HECTD2: variants seen among roughly 807,000 people sequenced by gnomAD.
HECTD2 encodes the protein HECT domain E3 ubiquitin protein ligase 2, also known as probable E3 ubiquitin-protein ligase HECTD2.
A neutral mutation model predicts 103.2 loss-of-function variants in HECTD2; 35 were observed. The ratio of observed to expected loss-of-function variants is 0.34; its 90% CI spans 0.26 to 0.45. The LOEUF (loss-of-function observed/expected upper bound fraction) is 0.45, where lower values mean the gene tolerates loss of function less well. HECTD2 is among the 20% of genes least tolerant of loss of function. The pLI is 1.00. For missense variants in HECTD2, 596 were observed against 937.4 expected, an observed-to-expected ratio of 0.64 and a Z score of 4.76; for synonymous variants, 281 against 329.9, an observed-to-expected ratio of 0.85 and a Z score of 1.61.
intron 14 of HECTD2, 79 bp downstream of exon 14, chr10:91,493,587 T>G: frequency 1.4e-6 from 1 of 731,988 alleles, no homozygotes; most frequent in Non-Finnish European, 2.2e-6. Flanking sequence ...TAGAAAACTG[T>G]TTTCTTTAGC....
At chr10:91,496,179 A>AT (rs746207635) in intron 14 of HECTD2, 35 bp from the exon 15 acceptor site, 4 of 1,515,080 alleles carry the variant, frequency 2.6e-6, no homozygotes, top group Non-Finnish European at 3.6e-6. Flanking sequence ...GTTGTCATGG[A>AT]TTTTATGTTA....
chr10:91,492,835 A>C (rs1846530263), intron 13 of HECTD2, among the ~76,000 whole-genome samples: 1 of 152,126 alleles, frequency 6.6e-6, no homozygotes. Flanking sequence ...CTCTATAGTA[A>C]CATTTAAAGC....
chr10:91,416,091 A>C (rs1357125349), intron 1 of HECTD2, among the ~76,000 whole-genome samples: 1 of 152,012 alleles, frequency 6.6e-6, no homozygotes, highest in Non-Finnish European at 1.5e-5. Flanking sequence ...TTTCCCCTTC[A>C]TGAATAACCC....
chr10:91,413,350 G>A (rs1443376555), intron 1 of HECTD2, among the ~76,000 whole-genome samples: 1 of 152,110 alleles, frequency 6.6e-6, no homozygotes, highest in Non-Finnish European at 1.5e-5. Context: ...CAGCTAGTGA[G>A]GAGGTGCCTA....
intron 5 of HECTD2, among the ~76,000 whole-genome samples, chr10:91,475,997 A>G (rs953155149): frequency 2.6e-5 from 4 of 152,222 alleles, no homozygotes; most frequent in African/African-American, 9.7e-5. Context: ...GCTGAGCCCA[A>G]TAAGAAGGCA....
chr10:91,449,484 G>C (rs753124341), intron 2 of HECTD2, among the ~76,000 whole-genome samples: 2 of 152,028 alleles, frequency 1.3e-5, no homozygotes, highest in Non-Finnish European at 2.9e-5. Flanking sequence ...AGAACTGACA[G>C]AAGACAAGGA....
In HECTD2 at chr10:91,493,420, G is replaced by T; in HGVS notation, c.1433G>T (p.Gly478Val). 2.0e-6 allele frequency: 3 copies of T among 1,481,048 alleles called. No individual in the cohort carries two copies. The highest frequency in any genetic ancestry group is 2.7e-6 in the Non-Finnish European group (3 of 1,110,042). 91.7% of individuals were successfully genotyped at this position (1,481,048 alleles called of 1,614,324 possible). Residue 478 changes from glycine to valine, a missense_variant and splice_region_variant, in exon 14 of 21, where the codon GGC (glycine) becomes GTC (valine). Gly to Val is a moderately radical substitution (Grantham distance 109, BLOSUM62 -3). Transcript: ENST00000298068. ...TAACATTATTCGTGTGTTTTTTTAG[G>T]CATGTTTACATATCACAAGGATTCA... ...LIRQIFHPDYGMFTYHKDSHC... is the reference protein window; with the variant it reads ...LIRQIFHPDYVMFTYHKDSHC...
intron 11 of HECTD2, among the ~76,000 whole-genome samples, chr10:91,490,890 C>CAAAAAA (rs61035151): frequency 6.6e-4 from 9 of 13,600 alleles, no homozygotes; most frequent in African/African-American, 9.0e-4. Flanking sequence ...GACTCCGTCT[C>CAAAAAA]AAAAAAAAAA....
At chr10:91,503,049 C>A (rs914828989) in intron 20 of HECTD2, among the ~76,000 whole-genome samples, 1 of 152,106 alleles carries the variant, frequency 6.6e-6, no homozygotes, top group African/African-American at 2.4e-5. Context: ...AATATTCATT[C>A]ACTAGATTTT....
intron 2 of HECTD2, among the ~76,000 whole-genome samples, chr10:91,454,042 C>T (rs932130390): frequency 7.9e-5 from 12 of 151,376 alleles, no homozygotes; most frequent in Non-Finnish European, 1.3e-4. Context: ...AGGAGAAAAA[C>T]TGGTAGACCT....
Position 91,410,514 on chromosome 10 carries a change from G to GGGAA in HECTD2, c.80_83dup (p.Ser29GlyfsTer40). 1 of 1,482,206 alleles carries GGGAA rather than the reference G, an allele frequency of 6.7e-7. No individual in the cohort carries two copies. The highest frequency in any genetic ancestry group is 8.9e-7 in the Non-Finnish European group (1 of 1,121,424). 91.8% of individuals were successfully genotyped at this position (1,482,206 alleles called of 1,614,324 possible). A position where few individuals can be genotyped will look rare whatever the true frequency, so the allele number is the denominator to read the frequency against. ...GGCGCCCGCGCCTGAGGAGAGGAAA[G>GGGAA]GGAAGGAGTCAGAGCGCGAGAAGCT... On this transcript the variant is annotated frameshift_variant, in exon 1 of 21. Coordinates refer to ENST00000298068, the MANE Select transcript of HECTD2 (RefSeq NM_182765.6). LOFTEE classifies it high-confidence loss of function.
intron 2 of HECTD2, among the ~76,000 whole-genome samples, chr10:91,456,679 T>G (rs988637419): frequency 1.3e-4 from 20 of 152,056 alleles, no homozygotes; most frequent in Non-Finnish European, 2.6e-4. Context: ...ATGCTTCCAG[T>G]TTTTGCCCAT....
At chr10:91,478,180 A>G in intron 5 of HECTD2, 21 bp from the exon 6 acceptor site, 1 of 1,546,226 alleles carries the variant, frequency 6.5e-7, no homozygotes, top group Non-Finnish European at 8.9e-7. Context: ...TAATTACCTT[A>G]CTGTTTTCTT....
intron 2 of HECTD2, among the ~76,000 whole-genome samples, chr10:91,440,110 A>C (rs1201685720): frequency 6.6e-6 from 1 of 152,126 alleles, no homozygotes; most frequent in Non-Finnish European, 1.5e-5. Flanking sequence ...AATTTCCAAT[A>C]ATATGTTGAA....
At chr10:91,415,192 A>AAG (rs1843071713) in intron 1 of HECTD2, among the ~76,000 whole-genome samples, 1 of 104,094 alleles carries the variant, frequency 9.6e-6, no homozygotes. Context: ...AAATTAGAGA[A>AAG]AGTGTGTGTG....
chr10:91,458,741 A>T (rs969844667), intron 2 of HECTD2, among the ~76,000 whole-genome samples: 2 of 152,062 alleles, frequency 1.3e-5, no homozygotes, highest in African/African-American at 4.8e-5. Context: ...AAATAAAGTT[A>T]AAATGGATAA....
rs1383567036 is a variant in HECTD2 at position 91,509,066 on chromosome 10, T to C, written c.2211-3198T>C. Among the ~76,000 whole-genome samples, 15 of 141,730 alleles carry C rather than the reference T, an allele frequency of 1.1e-4. No homozygotes were observed. The East Asian group carries it at 3.1e-3, about 30-fold the overall frequency. The allele number at this position is 141,730 out of a possible 152,430, so 93.0% of individuals were successfully genotyped here. A position where few individuals can be genotyped will look rare whatever the true frequency, so the allele number is the denominator to read the frequency against. On this transcript the variant is annotated intron_variant, in intron 20 of 20. Transcript: ENST00000298068. Reference sequence around the variant, plus strand: ...GCATATTCTCACTCATAGGTGGGAATTGAACAGTGAGATCACATGGACACA... The same window carrying C: ...GCATATTCTCACTCATAGGTGGGAACTGAACAGTGAGATCACATGGACACA...
At chr10:91,474,932 C>T (rs1448706784) in intron 5 of HECTD2, among the ~76,000 whole-genome samples, 1 of 152,058 alleles carries the variant, frequency 6.6e-6, no homozygotes, top group Non-Finnish European at 1.5e-5. Context: ...GTGAGAGCAG[C>T]GCACTAACAG....
intron 2 of HECTD2, among the ~76,000 whole-genome samples, chr10:91,440,381 A>C (rs1844359625): frequency 6.6e-6 from 1 of 152,128 alleles, no homozygotes; most frequent in Non-Finnish European, 1.5e-5. Flanking sequence ...GGTTACATTT[A>C]TTGACTTGTG....
Sources: allele counts gnomAD v4.1 joint callset (sites outside exome capture counted in the v4.1 genomes callset), GRCh38; gene constraint gnomAD v4.1.1; transcripts MANE v1.5; gene names NCBI Gene and HGNC (gene_info 2026-07-23, HGNC 2026-07-21).